Variants in CYP4X1 observed in about 807,000 individuals in gnomAD.
The protein encoded by CYP4X1 is cytochrome P450 family 4 subfamily X member 1.
CYP4X1 carries 44 observed loss-of-function variants against 57.9 expected under a neutral mutation model. That is an observed-to-expected ratio of 0.76 (90% CI 0.60 to 0.98). The LOEUF (loss-of-function observed/expected upper bound fraction) is 0.98. CYP4X1 is among the 50% of genes least tolerant of loss of function. The pLI is 0.00. For synonymous variants in CYP4X1, 227 were observed against 228.6 expected, an observed-to-expected ratio of 0.99 and a Z score of 0.06; for missense variants, 532 against 623.9, an observed-to-expected ratio of 0.85 and a Z score of 1.57.
At chr1:46,984,927 C>G in the CYP4X1 span, among the ~76,000 whole-genome samples, 1 of 152,318 alleles carries the variant, frequency 6.6e-6, no homozygotes, top group Non-Finnish European at 1.5e-5. Flanking sequence ...GATCCCACCC[C>G]CACGGAGCCC....
At chr1:47,039,805 C>T (rs1319853242) in intron 8 of CYP4X1, 1 of 215,308 alleles carries the variant, frequency 4.6e-6, no homozygotes, top group South Asian at 1.6e-4. Flanking sequence ...TTCACCTTGG[C>T]TCTGATGCAT....
chr1:46,980,089 C>T, the CYP4X1 span, among the ~76,000 whole-genome samples: 1 of 152,150 alleles, frequency 6.6e-6, no homozygotes, highest in Non-Finnish European at 1.5e-5. Flanking sequence ...CCCTCTCTCA[C>T]CACCCCTATT....
chr1:46,979,939 A>G, the CYP4X1 span, among the ~76,000 whole-genome samples: 1 of 152,240 alleles, frequency 6.6e-6, no homozygotes, highest in Non-Finnish European at 1.5e-5. Flanking sequence ...TCTTCATGCT[A>G]AAAACTCTCA....
intron 3 of CYP4X1, among the ~76,000 whole-genome samples, chr1:47,032,717 G>T (rs1298316082): frequency 6.6e-6 from 1 of 152,164 alleles, no homozygotes; most frequent in East Asian, 1.9e-4. Context: ...GGACACTCTT[G>T]TCTCTTTCCT....
intron 6 of CYP4X1, 124 bp downstream of exon 6, chr1:47,036,295 G>A: frequency 8.4e-7 from 1 of 1,190,288 alleles, no homozygotes; most frequent in East Asian, 2.8e-5. Context: ...CTTTTATATA[G>A]ACACTGCTCC....
At chr1:47,014,027 G>A in the CYP4X1 span, among the ~76,000 whole-genome samples, 3 of 151,870 alleles carry the variant, frequency 2.0e-5, no homozygotes, top group Non-Finnish European at 2.9e-5. Context: ...TGCCCACCTC[G>A]GCCTCCGAAA....
the CYP4X1 span, among the ~76,000 whole-genome samples, chr1:47,011,334 C>T: frequency 2.6e-5 from 4 of 152,260 alleles, no homozygotes; most frequent in South Asian, 8.3e-4. Context: ...ATAAATGGTG[C>T]TGGGAAAACT....
Position 47,033,372 on chromosome 1 carries a change from A to G in CYP4X1, c.492+4A>G. ...TCATTCTGTGAAAATGATGCTGGTA[A>G]GTAAAGGGGGAAAGTGCTCTGTGCA... is the stretch of plus-strand genomic sequence containing the variant. On this transcript the variant is annotated splice_donor_region_variant and intron_variant, in intron 4 of 11. Coordinates refer to ENST00000371901, the MANE Select transcript of CYP4X1 (RefSeq NM_178033.2). The G allele has an allele frequency of 6.2e-7, 1 of 1,613,656 alleles. No individual in the cohort carries two copies. The highest frequency in any genetic ancestry group is 8.5e-7 in the Non-Finnish European group (1 of 1,179,700).
chr1:47,025,818 T>C (rs1218587374), intron 1 of CYP4X1, among the ~76,000 whole-genome samples: 1 of 152,208 alleles, frequency 6.6e-6, no homozygotes, highest in Non-Finnish European at 1.5e-5. Context: ...CTCCTCCTGT[T>C]CCAGTCTGGA....
the CYP4X1 span, among the ~76,000 whole-genome samples, chr1:47,003,427 T>A: frequency 1.3e-5 from 2 of 152,144 alleles, no homozygotes; most frequent in African/African-American, 4.8e-5. Context: ...GCAATTTCCA[T>A]CTCCTCTTAA....
intron 6 of CYP4X1, 91 bp from the exon 7 acceptor site, chr1:47,038,569 A>G: frequency 2.2e-6 from 2 of 896,160 alleles, no homozygotes; most frequent in Non-Finnish European, 1.7e-6. Flanking sequence ...AAATCAGGCA[A>G]GATTTGAAGC....
the CYP4X1 span, among the ~76,000 whole-genome samples, chr1:46,981,161 A>G: frequency 6.6e-6 from 1 of 152,238 alleles, no homozygotes; most frequent in Non-Finnish European, 1.5e-5. Flanking sequence ...GAGCTTCTGC[A>G]CAGCAAAAGA....
At chr1:47,048,433 C>A in intron 9 of CYP4X1, 132 bp from the exon 10 acceptor site, 1 of 941,452 alleles carries the variant, frequency 1.1e-6, no homozygotes, top group Non-Finnish European at 1.8e-6. Context: ...TCACTGGTGT[C>A]ATCAGCTACA....
At chr1:47,047,217 C>G (rs140188614) in intron 9 of CYP4X1, among the ~76,000 whole-genome samples, 1 of 152,126 alleles carries the variant, frequency 6.6e-6, no homozygotes, top group South Asian at 2.1e-4. Flanking sequence ...TGTGCGGAGA[C>G]CCTGAGTCTG....
the CYP4X1 span, among the ~76,000 whole-genome samples, chr1:46,981,850 G>A: frequency 2.6e-5 from 4 of 152,148 alleles, no homozygotes; most frequent in African/African-American, 9.7e-5. Context: ...GATGAAGCTG[G>A]CAACCATCAT....
downstream of CYP4X1, among the ~76,000 whole-genome samples, chr1:47,051,630 A>T (rs1644360768): frequency 6.6e-6 from 1 of 152,130 alleles, no homozygotes; most frequent in African/African-American, 2.4e-5. Context: ...AAATTCATCT[A>T]CCTAAAATCT....
intron 1 of CYP4X1, 23 bp downstream of exon 1, chr1:47,024,017 G>C: frequency 3.7e-6 from 6 of 1,602,638 alleles, no homozygotes; most frequent in Non-Finnish European, 5.1e-6. Flanking sequence ...GAGGAGGGAG[G>C]AAGGAGGAGG....
At chr1:47,022,279 C>T (rs1644005436), upstream of CYP4X1, among the ~76,000 whole-genome samples, 1 of 142,356 alleles carries the variant, frequency 7.0e-6, no homozygotes, top group Admixed American at 7.1e-5. Flanking sequence ...CCCCTGGGGC[C>T]TGTCTTTTTT....
At chr1:46,980,984 A>C in the CYP4X1 span, among the ~76,000 whole-genome samples, 2 of 152,222 alleles carry the variant, frequency 1.3e-5, no homozygotes, top group South Asian at 4.1e-4. Context: ...ATTTAATTCA[A>C]GATGGATTAA....
Sources: allele counts gnomAD v4.1 joint callset (sites outside exome capture counted in the v4.1 genomes callset), GRCh38; gene constraint gnomAD v4.1.1; transcripts MANE v1.5; gene names NCBI Gene and HGNC (gene_info 2026-07-23, HGNC 2026-07-21).